The following YJU2 variants were observed in gnomAD, a reference collection of about 807,000 sequenced individuals.
The protein encoded by YJU2 is YJU2 splicing factor homolog.
In YJU2, 28 loss-of-function variants were observed where a neutral mutation model predicts 39.6. The observed-to-expected ratio is 0.71, with a 90% CI of 0.52 to 0.97. The LOEUF (loss-of-function observed/expected upper bound fraction) is 0.97, where lower values mean the gene tolerates loss of function less well. Ranked by LOEUF, YJU2 falls within the 50% of genes least tolerant of loss-of-function variation. The pLI is 0.00. For synonymous variants in YJU2, 184 were observed against 182.4 expected, an observed-to-expected ratio of 1.01 and a Z score of -0.07; for missense variants, 328 against 430.4, an observed-to-expected ratio of 0.76 and a Z score of 2.11.
Position 4,247,845 on chromosome 19 carries a change from A to G in YJU2, c.24+675A>G, listed in dbSNP as rs111514802. Reference sequence around the variant, plus strand: ...CAGAAGAAAAGCAGAGGTTCAGTATAAACTATACTGTTGGCACACTTCTGT... The same window carrying G: ...CAGAAGAAAAGCAGAGGTTCAGTATGAACTATACTGTTGGCACACTTCTGT... On this transcript the variant is annotated intron_variant, in intron 1 of 7. Transcript: ENST00000262962. Among the ~76,000 whole-genome samples the G allele has an allele frequency of 6.3e-3, 950 of 151,806 alleles. 16 individuals are homozygous for G. Among genetic ancestry groups the G allele is most frequent in the African/African-American group, 0.022 (912 of 41,390 alleles).
intron 3 of YJU2, 75 bp from the exon 4 acceptor site, chr19:4,254,280 G>C (rs1971000589): frequency 1.9e-6 from 2 of 1,066,616 alleles, no homozygotes; most frequent in Admixed American, 1.8e-5. Context: ...AAGGGGCCCT[G>C]ATCTGCTGGT....
intron 2 of YJU2, 55 bp downstream of exon 2, chr19:4,249,383 C>T: frequency 8.5e-7 from 1 of 1,174,638 alleles, no homozygotes. Context: ...GACGCAGTGC[C>T]TGGCATCCAC....
At position 4,253,728 on chromosome 19, in the gene YJU2, G is replaced by A. The variant is rs118179714; in HGVS notation, c.271-627G>A. ...CTCTATTCAATAAACAAAAACAGGG[G>A]CATGCTGTATACATATTTGTACATG... On this transcript the variant is annotated intron_variant, in intron 3 of 7. Coordinates refer to ENST00000262962, the MANE Select transcript of YJU2 (RefSeq NM_018074.6). Among the ~76,000 whole-genome samples the A allele has an allele frequency of 3.9e-5, 6 of 152,266 alleles. No individual in the cohort carries two copies. The East Asian group carries it at 9.6e-4, about 24-fold the overall frequency.
chr19:4,252,009 T>A (rs1222852340), intron 3 of YJU2, among the ~76,000 whole-genome samples: 1 of 151,956 alleles, frequency 6.6e-6, no homozygotes, highest in Non-Finnish European at 1.5e-5. Flanking sequence ...AAAAGTAGCG[T>A]GCAATGGAAT....
Position 4,254,478 on chromosome 19 carries a change from A to G in YJU2, c.394A>G (p.Asn132Asp). ...GGAGCGGGAGGACGAGGAGCTGAAC[A>G]ACCCCATGAAGGTGAGTCGGGGGCC... ...QKEREDEELN[N>D]PMKVLENRTK... is the part of the protein sequence containing the mutation. Residue 132 changes from asparagine (N) to aspartate (D), a missense_variant, in exon 4 of 8, where the codon AAC (asparagine) becomes GAC (aspartate). Around this residue, in one of 2 missense-constraint regions of YJU2, gnomAD observed 244 missense variants for 264.6 expected, o/e 0.92. Transcript: ENST00000262962. 2.5e-6 allele frequency: 4 copies of G among 1,600,492 alleles called. No individual in the cohort carries two copies. The South Asian group carries it at 4.5e-5, about 18-fold the overall frequency.
chr19:4,261,938 C>T, intron 5 of YJU2, 56 bp from the exon 6 acceptor site: 1 of 1,588,800 alleles, frequency 6.3e-7, no homozygotes, highest in South Asian at 1.1e-5. Flanking sequence ...GCAGGTACAT[C>T]CCAGGCACTG....
intron 4 of YJU2, among the ~76,000 whole-genome samples, chr19:4,255,391 C>G (rs1005255064): frequency 6.6e-6 from 1 of 151,950 alleles, no homozygotes; most frequent in African/African-American, 2.4e-5. Flanking sequence ...AAAGACCAGC[C>G]TGGGCAACAT....
chr19:4,264,508 G>A (rs541023015), intron 6 of YJU2, among the ~76,000 whole-genome samples: 9 of 143,862 alleles, frequency 6.3e-5, no homozygotes, highest in African/African-American at 2.3e-4. Context: ...TTTTTTTTTA[G>A]ACAGTTTCAC....
intron 6 of YJU2, among the ~76,000 whole-genome samples, chr19:4,264,068 C>G (rs1971094829): frequency 6.6e-6 from 1 of 151,616 alleles, no homozygotes; most frequent in African/African-American, 2.4e-5. Context: ...CGAGATCATC[C>G]TATCTAACAC....
At chr19:4,256,318 A>G (rs1227175470) in intron 4 of YJU2, among the ~76,000 whole-genome samples, 2 of 150,366 alleles carry the variant, frequency 1.3e-5, no homozygotes, top group African/African-American at 4.9e-5. Context: ...ATCCATTCTT[A>G]TCTATTCCTG....
rs1568359486 is a variant in YJU2, at chr19:4,247,584, T to TGGCGTGGC, written c.24+415_24+416insGCGTGGCG. On this transcript the variant is annotated intron_variant, in intron 1 of 7. Transcript: ENST00000262962. ...GGGTGGGGTGGGGTGGGGTGGCGCG[T>TGGCGTGGC]GTGTGTGTGTGTGTGTGTGTGTGTG... Among the ~76,000 whole-genome samples the TGGCGTGGC allele has an allele frequency of 7.9e-3, 50 of 6,336 alleles. 8 individuals are homozygous for TGGCGTGGC. Among genetic ancestry groups the TGGCGTGGC allele is most frequent in the East Asian group, 0.019 (6 of 318 alleles). 4.2% of individuals were successfully genotyped at this position (6,336 alleles called of 152,430 possible).
Position 4,266,065 on chromosome 19 carries a change from T to C in YJU2, c.709-1559T>C, listed in dbSNP as rs138877077. Among the ~76,000 whole-genome samples, 1,005 of 151,820 alleles carry C rather than the reference T, an allele frequency of 6.6e-3. 3 individuals are homozygous for C. The highest frequency in any genetic ancestry group is 0.011 in the Non-Finnish European group (760 of 67,938). ...GCCTCCCAGGTTCAAGCGATTCTCC[T>C]GCCTCAGTCTCCCGAGTAGCTGGGA... is the stretch of plus-strand genomic sequence containing the variant. On this transcript the variant is annotated intron_variant, in intron 6 of 7. Transcript: ENST00000262962.
intron 1 of YJU2, among the ~76,000 whole-genome samples, chr19:4,248,929 A>AT (rs1970953070): frequency 1.3e-5 from 2 of 152,158 alleles, no homozygotes; most frequent in South Asian, 4.1e-4. Context: ...CAGAACAAAA[A>AT]CAAAAACAAA....
intron 1 of YJU2, among the ~76,000 whole-genome samples, chr19:4,247,697 GTT>G (rs142347126): frequency 4.3e-5 from 6 of 138,924 alleles, no homozygotes; most frequent in East Asian, 2.2e-4. Flanking sequence ...GTGTGTGTGT[GTT>G]TTGTTTTTTT....
chr19:4,261,068 C>T (rs1478029230), intron 5 of YJU2, among the ~76,000 whole-genome samples: 2 of 150,806 alleles, frequency 1.3e-5, no homozygotes, highest in Non-Finnish European at 3.0e-5. Context: ...TTTTTAAAAT[C>T]CTTTTTGCAG....
At chr19:4,265,260 A>G (rs1044796049) in intron 6 of YJU2, among the ~76,000 whole-genome samples, 1 of 151,434 alleles carries the variant, frequency 6.6e-6, no homozygotes, top group Non-Finnish European at 1.5e-5. Context: ...TTTTATTTTT[A>G]TTTTAGAGAT....
At chr19:4,261,619 C>T (rs1030586341) in intron 5 of YJU2, among the ~76,000 whole-genome samples, 1 of 152,070 alleles carries the variant, frequency 6.6e-6, no homozygotes, top group East Asian at 1.9e-4. Flanking sequence ...CAAGATTGCG[C>T]CACTGCACTC....
intron 6 of YJU2, among the ~76,000 whole-genome samples, chr19:4,263,064 ACT>A (rs894224861): frequency 4.1e-5 from 5 of 123,398 alleles, no homozygotes; most frequent in African/African-American, 1.4e-4. Context: ...ACAGAATGAG[ACT>A]CTGTCTCAAA....
chr19:4,265,265 A>G (rs904949674), intron 6 of YJU2, among the ~76,000 whole-genome samples: 7 of 151,736 alleles, frequency 4.6e-5, no homozygotes, highest in African/African-American at 7.3e-5. Flanking sequence ...TTTTTATTTT[A>G]GAGATGAGGT....
Sources: gnomAD v4.1 joint callset for allele counts (sites outside exome capture counted in the v4.1 genomes callset) on GRCh38, gnomAD v4.1.1 for gene constraint, gnomAD v4.1.1 regional missense constraint, MANE v1.5 for transcripts, NCBI Gene and HGNC (gene_info 2026-07-23, HGNC 2026-07-21) for gene names.